The following KPNB1 variants were observed in gnomAD, a reference collection of about 807,000 sequenced individuals.
The protein encoded by KPNB1 is importin subunit beta-1.
In KPNB1, 7 loss-of-function variants were observed where a neutral mutation model predicts 113.0. The ratio of observed to expected loss-of-function variants is 0.06; its 90% confidence interval spans 0.04 to 0.12. The LOEUF is 0.12. KPNB1 is among the 10% of genes least tolerant of loss of function. The pLI is 1.00. For synonymous variants in KPNB1, 363 were observed against 378.6 expected (o/e 0.96, Z 0.48); for missense variants, 400 against 1,054.8 (o/e 0.38, Z 8.60).
chr17:47,682,635 A>G lies in KPNB1; in HGVS notation c.*231A>G. On this transcript the variant is annotated 3_prime_UTR_variant, in exon 22 of 22. Coordinates refer to ENST00000290158, the MANE Select transcript of KPNB1 (RefSeq NM_002265.6). ...AGCACTGACTTCGTAGAAAACCATAACATCGGCCATCTTGGAAAAGAGAAA... is the reference window on the plus strand; with the variant it reads ...AGCACTGACTTCGTAGAAAACCATAGCATCGGCCATCTTGGAAAAGAGAAA... 1 of 541,942 alleles carries G rather than the reference A, an allele frequency of 1.8e-6. No homozygotes were observed. The highest frequency in any genetic ancestry group is 2.6e-5 in the South Asian group (1 of 38,948). The allele number at this position is 541,942 out of a possible 1,614,324, so 33.6% of individuals were successfully genotyped here.
At chr17:47,668,586 A>G (rs2030359052) in intron 10 of KPNB1, among the ~76,000 whole-genome samples, 176 bp downstream of exon 10, 3 of 152,246 alleles carry the variant, frequency 2.0e-5, no homozygotes, top group Admixed American at 1.3e-4. Flanking sequence ...TACATAAGTC[A>G]GCATGATCCA....
intron 8 of KPNB1, 72 bp downstream of exon 8, chr17:47,664,341 TAGG>T (rs1034852415): frequency 1.0e-6 from 1 of 993,464 alleles, no homozygotes; most frequent in African/African-American, 1.6e-5. Context: ...GTTCCCCTTC[TAGG>T]AGAACTTTAT....
intron 15 of KPNB1, among the ~76,000 whole-genome samples, chr17:47,676,087 A>G (rs969056642): frequency 1.3e-5 from 2 of 152,174 alleles, no homozygotes; most frequent in Non-Finnish European, 2.9e-5. Context: ...AAGAGTCAGT[A>G]TTGCTGGTTC....
chr17:47,667,443 C>T (rs1393784058), intron 9 of KPNB1, among the ~76,000 whole-genome samples: 1 of 150,564 alleles, frequency 6.6e-6, no homozygotes, highest in Admixed American at 6.6e-5. Context: ...CTTTTTTGAA[C>T]TTTTGATTGA....
intron 19 of KPNB1, 93 bp downstream of exon 19, chr17:47,678,506 C>T: frequency 3.5e-6 from 3 of 849,584 alleles, no homozygotes; most frequent in Non-Finnish European, 5.9e-6. Flanking sequence ...GCTTGTGAAC[C>T]TAGTGCCTGT....
intron 5 of KPNB1, among the ~76,000 whole-genome samples, chr17:47,659,211 T>G (rs567140105): frequency 3.3e-5 from 5 of 151,854 alleles, no homozygotes; most frequent in Non-Finnish European, 7.4e-5. Flanking sequence ...TAGCCGGGTG[T>G]GGTGGCGTGC....
At chr17:47,673,446 T>C in intron 13 of KPNB1, 44 bp from the exon 14 acceptor site, 2 of 1,499,942 alleles carry the variant, frequency 1.3e-6, no homozygotes, top group Non-Finnish European at 1.9e-6. Context: ...CCAGCAAAAG[T>C]GGAAGGTTTT....
At position 47,650,190 on chromosome 17, in the gene KPNB1, C is replaced by G; in HGVS notation, c.-55C>G. 4 of 1,439,206 alleles carry G rather than the reference C, an allele frequency of 2.8e-6. No homozygotes were observed. Among genetic ancestry groups the G allele is most frequent in the Non-Finnish European group, 3.7e-6 (4 of 1,093,624 alleles). 89.2% of individuals were successfully genotyped at this position (1,439,206 alleles called of 1,614,324 possible). On this transcript the variant is annotated 5_prime_UTR_variant, in exon 1 of 22. Transcript: ENST00000290158. ...CCCCCATCCCCAGTTCGAGCCGCCG[C>G]CCGAAAGGCCGGGCCGTCGTCTTAG...
chr17:47,662,595 A>G (rs890946705), intron 6 of KPNB1, among the ~76,000 whole-genome samples: 3 of 151,844 alleles, frequency 2.0e-5, no homozygotes, highest in Non-Finnish European at 4.4e-5. Context: ...AAAAAAGAGA[A>G]AAATGGCCGG....
chr17:47,664,119 T>A (rs994216109), intron 7 of KPNB1, 40 bp from the exon 8 acceptor site: 1 of 1,329,972 alleles, frequency 7.5e-7, no homozygotes, highest in African/African-American at 1.4e-5. Context: ...CTCACTTGAA[T>A]CAGTACTTAT....
chr17:47,673,786 C>G (rs1440478446), intron 14 of KPNB1: 1 of 535,162 alleles, frequency 1.9e-6, no homozygotes, highest in Non-Finnish European at 3.3e-6. Context: ...TACAGATGGT[C>G]TAGATGTAAT....
In KPNB1 at chr17:47,650,038, T is replaced by C. The variant is rs1042070522; in HGVS notation, c.-207T>C. Reference sequence around the variant, plus strand: ...CCCTCCCCCGCCGCCAGCAGCCCATTTGGAGGGAGGAAGTAAGGGAAGAGG... The same window carrying C: ...CCCTCCCCCGCCGCCAGCAGCCCATCTGGAGGGAGGAAGTAAGGGAAGAGG... On this transcript the variant is annotated 5_prime_UTR_variant, in exon 1 of 22. Coordinates refer to ENST00000290158, the MANE Select transcript of KPNB1 (RefSeq NM_002265.6). 1 of 1,352,266 alleles carries C rather than the reference T, an allele frequency of 7.4e-7. No individual in the cohort carries two copies. Among genetic ancestry groups the C allele is most frequent in the Non-Finnish European group, 9.5e-7 (1 of 1,057,450 alleles). 83.8% of individuals were successfully genotyped at this position (1,352,266 alleles called of 1,614,324 possible). A position where few individuals can be genotyped will look rare whatever the true frequency, so the allele number is the denominator to read the frequency against.
intron 15 of KPNB1, 88 bp from the exon 16 acceptor site, chr17:47,676,321 A>G (rs867986268): frequency 1.5e-5 from 14 of 905,742 alleles, no homozygotes; most frequent in African/African-American, 1.3e-4. Flanking sequence ...GAGCGAGTAC[A>G]TTTTGGGAGA....
chr17:47,650,875 G>A (rs1379573376), intron 2 of KPNB1, among the ~76,000 whole-genome samples: 2 of 152,102 alleles, frequency 1.3e-5, no homozygotes, highest in Non-Finnish European at 2.9e-5. Flanking sequence ...TTCCTATCCC[G>A]TGGCCCCTGT....
intron 3 of KPNB1, 99 bp from the exon 4 acceptor site, chr17:47,656,758 GAAA>G (rs1031096510): frequency 5.1e-6 from 6 of 1,183,518 alleles, no homozygotes. Flanking sequence ...AAGAAAGAAA[GAAA>G]AAAAAGAATT....
intron 12 of KPNB1, among the ~76,000 whole-genome samples, chr17:47,671,206 G>A (rs2030434323): frequency 1.3e-5 from 2 of 152,202 alleles, no homozygotes; most frequent in South Asian, 4.1e-4. Context: ...GCAGTGAGCT[G>A]AGACTGCGCC....
At chr17:47,655,679 T>G (rs1915698107) in intron 3 of KPNB1, among the ~76,000 whole-genome samples, 1 of 152,190 alleles carries the variant, frequency 6.6e-6, no homozygotes, top group Non-Finnish European at 1.5e-5. Flanking sequence ...AGAACTAGCT[T>G]CATTCTAGTG....
chr17:47,655,509 T>C (rs903241456), intron 3 of KPNB1, among the ~76,000 whole-genome samples: 1 of 152,236 alleles, frequency 6.6e-6, no homozygotes, highest in African/African-American at 2.4e-5. Flanking sequence ...TTAGTGATGT[T>C]GTTACTTGAC....
Position 47,658,630 on chromosome 17 carries a change from G to A in KPNB1, c.606G>A (p.Leu202=), listed in dbSNP as rs776951725. 1.2e-6 allele frequency: 2 copies of A among 1,613,632 alleles called. No homozygotes were observed. The highest frequency in any genetic ancestry group is 2.2e-5 in the East Asian group (1 of 44,872). Reference sequence around the variant, plus strand: ...CTACGAATGCACTCCTGAACTCATTGGAGTTCACCAAAGCAAACTTTGATA... The same window carrying A: ...CTACGAATGCACTCCTGAACTCATTAGAGTTCACCAAAGCAAACTTTGATA... ...LAATNALLNS[L]EFTKANFDKE... The change falls in exon 5 of 22, where the codon TTG becomes TTA. Residue 202 remains leucine (L), a synonymous_variant. Transcript: ENST00000290158.
Sources: allele counts gnomAD v4.1 joint callset (sites outside exome capture counted in the v4.1 genomes callset), GRCh38; gene constraint gnomAD v4.1.1; transcripts MANE v1.5; gene names NCBI Gene and HGNC (gene_info 2026-07-23, HGNC 2026-07-21).